MKX: variants seen among roughly 807,000 people sequenced by gnomAD.
MKX encodes the protein homeobox protein Mohawk.
A neutral mutation model predicts 36.0 loss-of-function variants in MKX; 13 were observed. The ratio of observed to expected loss-of-function variants is 0.36; its 90% CI spans 0.24 to 0.57. The LOEUF is 0.57. MKX is among the 20% of genes least tolerant of loss of function. MKX has a pLI of 0.79. For missense variants in MKX, 458 were observed against 456.4 expected, an observed-to-expected ratio of 1.00 and a Z score of -0.03; for synonymous variants, 176 against 178.3, an observed-to-expected ratio of 0.99 and a Z score of 0.10.
At chr10:27,700,599 G>A (rs1452109888) in intron 5 of MKX, among the ~76,000 whole-genome samples, 3 of 152,076 alleles carry the variant, frequency 2.0e-5, no homozygotes, top group Non-Finnish European at 4.4e-5. Context: ...TTTGCTTGCT[G>A]TTATATCTAC....
chr10:27,741,512 A>G lies in MKX; in HGVS notation c.189-8T>C. ...CCGCCATTCTGCCGGGCGCTGGGAC[A>G]TGGGGAGAGGAGGCGGCCCTGGTGA... On this transcript the variant is annotated splice_polypyrimidine_tract_variant and splice_region_variant and intron_variant, in intron 2 of 6. Coordinates refer to ENST00000419761, the MANE Select transcript of MKX (RefSeq NM_173576.3). This position sits in a 1 kb window ranked among gnomAD's most constrained non-coding sequence, Gnocchi z 5.1. The G allele has an allele frequency of 6.3e-7, 1 of 1,583,920 alleles. No homozygotes were observed. The highest frequency in any genetic ancestry group is 8.6e-7 in the Non-Finnish European group (1 of 1,168,142).
chr10:27,675,329 C>A lies in MKX; in HGVS notation c.959G>T (p.Gly320Val). Residue 320 changes from glycine to valine, a missense_variant, in exon 7 of 7, where the codon GGA becomes GTA. Gly to Val is a moderately radical substitution (Grantham distance 109, BLOSUM62 -3). Transcript: ENST00000419761. The stretch of plus-strand genomic sequence containing the variant: ...GGTAGTTCCCTGCAGTTTGTCCTTT[C>A]CCTGTGCAAGATTTGTTAAGGCCAT... ...AAMALTNLAQ[G>V]KDKLQGTTSC... is the part of the protein sequence containing the mutation. 6.2e-7 allele frequency: 1 copy of A among 1,614,194 alleles called. No homozygotes were observed. Among genetic ancestry groups the A allele is most frequent in the Non-Finnish European group, 8.5e-7 (1 of 1,180,026 alleles).
At chr10:27,718,784 C>T (rs1226861190) in intron 5 of MKX, among the ~76,000 whole-genome samples, 1 of 151,952 alleles carries the variant, frequency 6.6e-6, no homozygotes, top group Non-Finnish European at 1.5e-5. Context: ...ATATTTATCT[C>T]TTTATTCAAG....
chr10:27,743,577 C>G, intron 1 of MKX, 80 bp from the exon 2 acceptor site: 1 of 755,440 alleles, frequency 1.3e-6, no homozygotes, highest in Non-Finnish European at 1.9e-6. Flanking sequence ...TGAACTTGGC[C>G]GGGTCGCCGG....
At chr10:27,717,708 G>A (rs1019058686) in intron 5 of MKX, among the ~76,000 whole-genome samples, 1 of 152,214 alleles carries the variant, frequency 6.6e-6, no homozygotes, top group East Asian at 1.9e-4. Context: ...TAGAAATTAG[G>A]TCTGGATATT....
At chr10:27,740,350 T>G (rs1449298572) in intron 3 of MKX, among the ~76,000 whole-genome samples, 1 of 152,184 alleles carries the variant, frequency 6.6e-6, no homozygotes, top group Non-Finnish European at 1.5e-5. Context: ...ATGTAGCCCC[T>G]CCTCCTCTTC....
chr10:27,743,334 G>A lies in MKX; in HGVS notation c.82C>T (p.Arg28Trp), dbSNP rs548781147. The change falls in exon 2 of 7, where the codon CGG (arginine) becomes TGG (tryptophan). Residue 28 changes from arginine to tryptophan, a missense_variant. Physicochemically the swap from Arg to Trp is moderately radical, Grantham distance 101. Coordinates refer to ENST00000419761, the MANE Select transcript of MKX (RefSeq NM_173576.3). ...GGASERERGG[R>W]PYSGVLDSPH... ...CTGTCCAGGACACCGCTGTAGGGCC[G>A]GCCACCCCGCTCCCGCTCCGAGGCG... is the stretch of plus-strand genomic sequence containing the variant. The A allele has an allele frequency of 3.2e-6, 5 of 1,583,370 alleles. No individual in the cohort carries two copies. The highest frequency in any genetic ancestry group is 4.8e-5 in the East Asian group (2 of 41,924).
intron 5 of MKX, among the ~76,000 whole-genome samples, chr10:27,729,450 G>A (rs780103556): frequency 2.6e-5 from 4 of 151,964 alleles, no homozygotes; most frequent in African/African-American, 7.3e-5. Flanking sequence ...GATCACAGGC[G>A]CGCTCCACCA....
chr10:27,744,003 A>G lies in MKX; in HGVS notation c.-82-506T>C, dbSNP rs1834986805. On this transcript the variant is annotated intron_variant, in intron 1 of 6. Coordinates refer to ENST00000419761, the MANE Select transcript of MKX (RefSeq NM_173576.3). This position sits in a 1 kb window ranked among gnomAD's most constrained non-coding sequence, Gnocchi z 5.6. ...CCGTATCCACAAGACCCCCCAGCTC[A>G]TGAGTCCCAGGCCATACCGGGATTT... Among the ~76,000 whole-genome samples, 1 of 152,070 alleles carries G rather than the reference A, an allele frequency of 6.6e-6. No homozygotes were observed.
chr10:27,743,175 C>A, intron 2 of MKX, 53 bp downstream of exon 2: 1 of 1,396,286 alleles, frequency 7.2e-7, no homozygotes, highest in Non-Finnish European at 9.3e-7. Flanking sequence ...CAGCTCACCA[C>A]CCCCACCCCT....
chr10:27,687,195 C>T (rs895949812), intron 5 of MKX, among the ~76,000 whole-genome samples: 1 of 151,844 alleles, frequency 6.6e-6, no homozygotes, highest in African/African-American at 2.4e-5. Flanking sequence ...TTAGTAGAGA[C>T]GGGTTTCACT....
In MKX at chr10:27,744,242, G is replaced by A. The variant is rs11006699; in HGVS notation, c.-82-745C>T. Among the ~76,000 whole-genome samples the A allele has an allele frequency of 6.6e-6, 1 of 152,002 alleles. No individual in the cohort carries two copies. Among genetic ancestry groups the A allele is most frequent in the African/African-American group, 2.4e-5 (1 of 41,390 alleles). Reference sequence around the variant, plus strand: ...AGTGCATGGTCCTAAGGTCCAAGGCGCCAGGACCCAGGTCCCCAGAGCCCT... The same window carrying A: ...AGTGCATGGTCCTAAGGTCCAAGGCACCAGGACCCAGGTCCCCAGAGCCCT... On this transcript the variant is annotated intron_variant, in intron 1 of 6. Coordinates refer to ENST00000419761, the MANE Select transcript of MKX (RefSeq NM_173576.3). The surrounding 1 kb of genome is among the most constrained non-coding windows in gnomAD (Gnocchi z 5.6).
Position 27,720,284 on chromosome 10 carries a change from A to G in MKX, c.838+14172T>C, listed in dbSNP as rs1351666515. ...TTCCAGCTCATTCAATAAGCCTAAC[A>G]TAACTCTAATACTAAAACTGTGCAA... is the stretch of plus-strand genomic sequence containing the variant. On this transcript the variant is annotated intron_variant, in intron 5 of 6. Transcript: ENST00000419761. 2.6e-5 allele frequency among the ~76,000 whole-genome samples: 4 copies of G among 152,040 alleles called. No homozygotes were observed. In the East Asian group the frequency reaches 5.8e-4, roughly 22 times the overall value.
chr10:27,719,268 G>A (rs999499717), intron 5 of MKX, among the ~76,000 whole-genome samples: 11 of 152,288 alleles, frequency 7.2e-5, no homozygotes, highest in African/African-American at 2.6e-4. Flanking sequence ...AACAGGTGGA[G>A]GGCAAGACCG....
At position 27,673,359 on chromosome 10, in the gene MKX, T is replaced by C. The variant is rs1836084177; in HGVS notation, c.*1870A>G. On this transcript the variant is annotated 3_prime_UTR_variant, in exon 7 of 7. Coordinates refer to ENST00000419761, the MANE Select transcript of MKX (RefSeq NM_173576.3). Reference sequence around the variant, plus strand: ...AGCATTCATTCATTTAACTGAAATATGTCAAAACAAAAACACTTTTATTAA... The same window carrying C: ...AGCATTCATTCATTTAACTGAAATACGTCAAAACAAAAACACTTTTATTAA... 1 of 152,620 alleles carries C rather than the reference T, an allele frequency of 6.6e-6. No homozygotes were observed. Among genetic ancestry groups the C allele is most frequent in the South Asian group, 2.1e-4 (1 of 4,832 alleles). 9.5% of individuals were successfully genotyped at this position (152,620 alleles called of 1,614,324 possible).
chr10:27,719,594 C>G (rs2132611354), intron 5 of MKX, among the ~76,000 whole-genome samples: 1 of 152,016 alleles, frequency 6.6e-6, no homozygotes, highest in South Asian at 2.1e-4. Flanking sequence ...CTACAGGGAT[C>G]ATAGCTGCTA....
intron 5 of MKX, 125 bp from the exon 6 acceptor site, chr10:27,675,679 T>G (rs1355740978): frequency 9.8e-7 from 1 of 1,021,610 alleles, no homozygotes; most frequent in African/African-American, 1.6e-5. Context: ...ATTAGTTCGC[T>G]TTTAATAAAG....
chr10:27,689,310 C>A (rs1345640350), intron 5 of MKX, among the ~76,000 whole-genome samples: 1 of 152,118 alleles, frequency 6.6e-6, no homozygotes, highest in Non-Finnish European at 1.5e-5. Flanking sequence ...TAGAAAAAAC[C>A]CCCACATTTT....
chr10:27,678,131 A>G lies in MKX; in HGVS notation c.839-2577T>C, dbSNP rs2132486365. ...ACTACTGACTTTGTGTATGGATAGCATGTCTCCATAGTATCTGCGAAGTCA... is the reference window on the plus strand; with the variant it reads ...ACTACTGACTTTGTGTATGGATAGCGTGTCTCCATAGTATCTGCGAAGTCA... On this transcript the variant is annotated intron_variant, in intron 5 of 6. Transcript: ENST00000419761. Among the ~76,000 whole-genome samples, 3 of 152,344 alleles carry G rather than the reference A, an allele frequency of 2.0e-5. No homozygotes were observed. The South Asian group carries it at 6.2e-4, about 32-fold the overall frequency.
Sources: gnomAD v4.1 joint callset for allele counts (sites outside exome capture counted in the v4.1 genomes callset) on GRCh38, gnomAD v4.1.1 for gene constraint, Gnocchi (gnomAD v3.1) non-coding constraint, MANE v1.5 for transcripts, NCBI Gene and HGNC (gene_info 2026-07-23, HGNC 2026-07-21) for gene names.